Variants in BRINP3 observed in about 807,000 individuals in gnomAD.
The protein encoded by BRINP3 is BMP/retinoic acid inducible neural specific 3.
A neutral mutation model predicts 71.0 loss-of-function variants in BRINP3; 19 were observed. That is an observed-to-expected ratio of 0.27 (90% CI 0.19 to 0.39). BRINP3 has a LOEUF of 0.39. Ranked by LOEUF, BRINP3 falls within the 10% of genes least tolerant of loss-of-function variation. BRINP3 has a pLI of 1.00. For synonymous variants in BRINP3, 380 were observed against 337.7 expected (o/e 1.13, Z -1.37); for missense variants, 959 against 940.8 (o/e 1.02, Z -0.25).
intron 6 of BRINP3, among the ~76,000 whole-genome samples, chr1:190,167,349 C>A (rs1445214880): frequency 2.0e-5 from 3 of 152,016 alleles, no homozygotes; most frequent in Non-Finnish European, 4.4e-5. Flanking sequence ...AGAATTTTGA[C>A]ATTAGAAATT....
At chr1:190,205,187 G>T (rs1655389715) in intron 6 of BRINP3, among the ~76,000 whole-genome samples, 1 of 151,814 alleles carries the variant, frequency 6.6e-6, no homozygotes, top group Non-Finnish European at 1.5e-5. Context: ...CAACATCCAT[G>T]TACTATAGAG....
At position 190,100,669 on chromosome 1, in the gene BRINP3, C is replaced by T. The variant is rs147518588; in HGVS notation, c.1185-1535G>A. On this transcript the variant is annotated intron_variant, in intron 7 of 7. Coordinates refer to ENST00000367462, the MANE Select transcript of BRINP3 (RefSeq NM_199051.3). ...TTTGACATTTGCACAATTAAAAACA[C>T]GCAAAAGCCTTTCTTGTCCAGCTTC... Among the ~76,000 whole-genome samples the T allele has an allele frequency of 1.0e-3, 159 of 152,188 alleles. 2 individuals are homozygous for T. Among genetic ancestry groups the T allele is most frequent in the African/African-American group, 3.3e-3 (139 of 41,532 alleles).
intron 3 of BRINP3, among the ~76,000 whole-genome samples, chr1:190,268,075 T>C (rs925292582): frequency 6.6e-6 from 1 of 152,072 alleles, no homozygotes; most frequent in African/African-American, 2.4e-5. Context: ...AAAATGCTTA[T>C]CTCATGACCA....
intron 2 of BRINP3, among the ~76,000 whole-genome samples, chr1:190,301,241 A>C (rs1195814291): frequency 8.6e-6 from 1 of 115,950 alleles, no homozygotes; most frequent in Non-Finnish European, 1.7e-5. Context: ...ATATACACAC[A>C]TACATATATA....
At chr1:190,456,265 A>G (rs1675980148) in intron 1 of BRINP3, among the ~76,000 whole-genome samples, 1 of 152,176 alleles carries the variant, frequency 6.6e-6, no homozygotes, top group South Asian at 2.1e-4. Flanking sequence ...CAAAGCAGTG[A>G]TACAATGAGT....
chr1:190,261,461 A>G (rs932107440), intron 4 of BRINP3, among the ~76,000 whole-genome samples: 3 of 152,066 alleles, frequency 2.0e-5, no homozygotes, highest in African/African-American at 7.2e-5. Context: ...CTACATTTAT[A>G]TTCATAATTA....
intron 2 of BRINP3, among the ~76,000 whole-genome samples, chr1:190,441,443 A>G (rs1674812849): frequency 6.6e-6 from 1 of 152,118 alleles, no homozygotes; most frequent in Admixed American, 6.6e-5. Flanking sequence ...TTCAGTTTCA[A>G]AGCTTTGGAA....
intron 2 of BRINP3, among the ~76,000 whole-genome samples, chr1:190,321,784 C>T (rs1666264109): frequency 1.3e-5 from 2 of 151,894 alleles, no homozygotes; most frequent in African/African-American, 2.4e-5. Context: ...GTTGATAGAA[C>T]AGGTAATATT....
chr1:190,301,106 G>A (rs1664650625), intron 2 of BRINP3, among the ~76,000 whole-genome samples: 2 of 147,316 alleles, frequency 1.4e-5, no homozygotes, highest in East Asian at 2.0e-4. Context: ...TTATATCTGT[G>A]TATATATTTT....
In BRINP3 at chr1:190,370,584, T is replaced by C. The variant is rs370679942; in HGVS notation, c.236+84071A>G. Among the ~76,000 whole-genome samples the C allele has an allele frequency of 3.2e-4, 49 of 152,288 alleles. No homozygotes were observed. In the East Asian group the frequency reaches 4.3e-3, roughly 13 times the overall value. On this transcript the variant is annotated intron_variant, in intron 2 of 7. Coordinates refer to ENST00000367462, the MANE Select transcript of BRINP3 (RefSeq NM_199051.3). ...TTTATAAAGGCACCACAAATCAAAA[T>C]TGTATTTAAAAATAACCAGACTTAT...
chr1:190,133,067 G>C (rs767409582), intron 7 of BRINP3, among the ~76,000 whole-genome samples: 155 of 152,014 alleles, frequency 1.0e-3, no homozygotes, highest in Non-Finnish European at 1.3e-3. Flanking sequence ...GCAACTTCAT[G>C]AGAGATCCTG....
chr1:190,151,528 TTAAAG>T (rs1656392865), intron 7 of BRINP3, among the ~76,000 whole-genome samples: 1 of 152,176 alleles, frequency 6.6e-6, no homozygotes, highest in African/African-American at 2.4e-5. Flanking sequence ...AGAGTCTCAC[TTAAAG>T]TAACTCTCTC....
intron 5 of BRINP3, among the ~76,000 whole-genome samples, chr1:190,233,310 G>A (rs1049997166): frequency 1.3e-5 from 2 of 151,958 alleles, no homozygotes; most frequent in African/African-American, 4.8e-5. Context: ...TCCTGCCTCA[G>A]CCTCCTGAGT....
chr1:190,173,279 C>T (rs1652190279), intron 6 of BRINP3, among the ~76,000 whole-genome samples: 1 of 152,096 alleles, frequency 6.6e-6, no homozygotes, highest in African/African-American at 2.4e-5. Context: ...AACCATCTGG[C>T]CAATGAGACA....
chr1:190,222,381 C>A (rs920678178), intron 6 of BRINP3, among the ~76,000 whole-genome samples: 1 of 150,668 alleles, frequency 6.6e-6, no homozygotes, highest in Non-Finnish European at 1.5e-5. Context: ...TACAACAAAC[C>A]AAAACTTGAG....
intron 7 of BRINP3, among the ~76,000 whole-genome samples, chr1:190,113,140 GATA>G (rs1007792220): frequency 1.3e-5 from 2 of 151,882 alleles, no homozygotes; most frequent in African/African-American, 2.4e-5. Context: ...AATATTTTAA[GATA>G]ATAAAAAAGC....
At chr1:190,226,042 G>T (rs1305826257) in intron 6 of BRINP3, 40 bp downstream of exon 6, 2 of 1,266,698 alleles carry the variant, frequency 1.6e-6, no homozygotes, top group Non-Finnish European at 2.2e-6. Flanking sequence ...TATATTTTTT[G>T]TCAATATTTA....
At chr1:190,220,701 A>G (rs1269226812) in intron 6 of BRINP3, among the ~76,000 whole-genome samples, 3 of 152,130 alleles carry the variant, frequency 2.0e-5, no homozygotes, top group Non-Finnish European at 4.4e-5. Flanking sequence ...CATGAAGGAG[A>G]GATAAACTAT....
At chr1:190,467,469 T>C (rs770224839) in intron 1 of BRINP3, among the ~76,000 whole-genome samples, 24 of 151,536 alleles carry the variant, frequency 1.6e-4, no homozygotes, top group Non-Finnish European at 3.1e-4. Context: ...TTAACTGCCA[T>C]CTAGTAAAGC....
Sources: gnomAD v4.1 joint callset for allele counts (sites outside exome capture counted in the v4.1 genomes callset) on GRCh38, gnomAD v4.1.1 for gene constraint, MANE v1.5 for transcripts, NCBI Gene and HGNC (gene_info 2026-07-23, HGNC 2026-07-21) for gene names.